The following SLC37A1 variants were observed in gnomAD, a reference collection of about 807,000 sequenced individuals.
SLC37A1 encodes solute carrier family 37 member 1.
Under a neutral mutation model 75.3 loss-of-function variants are expected in SLC37A1, and 49 were observed. The ratio of observed to expected loss-of-function variants is 0.65; its 90% CI spans 0.52 to 0.83. SLC37A1 has a LOEUF of 0.83. Among genes scored for constraint, SLC37A1 ranks in the 40% least tolerant of loss-of-function variants. The pLI is 0.00. For missense variants in SLC37A1, 566 were observed against 695.0 expected, an observed-to-expected ratio of 0.81 and a Z score of 2.09; for synonymous variants, 268 against 292.1, an observed-to-expected ratio of 0.92 and a Z score of 0.84.
chr21:42,554,698 C>T (rs1317808460), intron 10 of SLC37A1, among the ~76,000 whole-genome samples: 2 of 152,192 alleles, frequency 1.3e-5, no homozygotes, highest in Admixed American at 6.5e-5. Flanking sequence ...TCTCCACCTC[C>T]CCTATGTCAC....
chr21:42,508,185 A>C (rs1280409214), intron 2 of SLC37A1, among the ~76,000 whole-genome samples: 1 of 138,762 alleles, frequency 7.2e-6, no homozygotes, highest in Admixed American at 8.3e-5. Context: ...CTGGAGTGCA[A>C]TGGCGCAATC....
At chr21:42,539,428 G>A in intron 5 of SLC37A1, 84 bp from the exon 6 acceptor site, 1 of 1,463,224 alleles carries the variant, frequency 6.8e-7, no homozygotes, top group Non-Finnish European at 9.2e-7. Context: ...CAGCATGAAA[G>A]CATCCGGCAA....
At chr21:42,530,635 CACACACACACACA>C (rs1568996967) in intron 3 of SLC37A1, among the ~76,000 whole-genome samples, 1 of 39,820 alleles carries the variant, frequency 2.5e-5, no homozygotes, top group Non-Finnish European at 5.8e-5. Flanking sequence ...CACACACACA[CACACACACACACA>C]CACACACCCC....
In SLC37A1 at chr21:42,534,775, C is replaced by T. The variant is rs149659288; in HGVS notation, c.216C>T (p.Ser72=). 11 of 1,614,024 alleles carry T rather than the reference C, an allele frequency of 6.8e-6. No homozygotes were observed. The highest frequency in any genetic ancestry group is 2.2e-5 in the South Asian group (2 of 91,044). ...RFSSQNRKSG[S]AAPHQLPDNE... is the part of the protein sequence containing the mutation. ...GCAGCCAGAACAGGAAGTCTGGGTCCGCTGCCCCCCACCAGCTCCCTGACA... is the reference window on the plus strand; with the variant it reads ...GCAGCCAGAACAGGAAGTCTGGGTCTGCTGCCCCCCACCAGCTCCCTGACA... The change falls in exon 4 of 20, where the codon TCC becomes TCT. Residue 72 remains serine, a synonymous_variant. Coordinates refer to ENST00000352133, the MANE Select transcript of SLC37A1 (RefSeq NM_001320537.2).
chr21:42,560,073 T>C (rs2146970545), intron 11 of SLC37A1, among the ~76,000 whole-genome samples: 1 of 151,864 alleles, frequency 6.6e-6, no homozygotes, highest in Non-Finnish European at 1.5e-5. Flanking sequence ...GCCTCCAGAC[T>C]AGAAGGGCGT....
intron 11 of SLC37A1, chr21:42,561,440 C>T (rs781159942): frequency 1.2e-4 from 18 of 154,918 alleles, no homozygotes; most frequent in Non-Finnish European, 2.0e-4. Flanking sequence ...ACTCACAAGG[C>T]GGGATGCGGT....
At chr21:42,521,767 CATTT>C (rs200847719) in intron 2 of SLC37A1, among the ~76,000 whole-genome samples, 2 of 146,896 alleles carry the variant, frequency 1.4e-5, no homozygotes, top group African/African-American at 5.4e-5. Flanking sequence ...TAGATTAGAT[CATTT>C]ATTTTTTTAT....
chr21:42,565,342 G>A (rs884979), intron 14 of SLC37A1, among the ~76,000 whole-genome samples: 12,492 of 152,332 alleles, frequency 0.082, 1,502 homozygotes, highest in African/African-American at 0.27. Context: ...AGCTCTGCGC[G>A]TCTGCCCCTC....
intron 17 of SLC37A1, among the ~76,000 whole-genome samples, chr21:42,570,594 A>AG (rs2147038824): frequency 6.6e-6 from 1 of 152,324 alleles, no homozygotes; most frequent in East Asian, 1.9e-4. Context: ...AGTGGACTGC[A>AG]GTCTGCAATT....
intron 3 of SLC37A1, among the ~76,000 whole-genome samples, chr21:42,530,838 G>T (rs1351817930): frequency 1.3e-5 from 2 of 152,182 alleles, no homozygotes; most frequent in East Asian, 3.8e-4. Context: ...CTGCTGCAGA[G>T]AATGTGTCGC....
At chr21:42,535,192 G>A (rs76990677) in intron 4 of SLC37A1, among the ~76,000 whole-genome samples, 4,979 of 152,348 alleles carry the variant, frequency 0.033, 131 homozygotes, top group South Asian at 0.08. Context: ...AAAAGAAAAG[G>A]CATCAATCAA....
Position 42,554,250 on chromosome 21 carries a change from A to G in SLC37A1, c.849+108A>G, listed in dbSNP as rs762444868. ...TGCCTATGTGACATGTGTCACAAAC[A>G]TCCAGGTCTTAAAAAAATTCTGTCT... is the stretch of plus-strand genomic sequence containing the variant. On this transcript the variant is annotated intron_variant, in intron 10 of 19. Transcript: ENST00000352133. The G allele has an allele frequency of 1.0e-4, 97 of 928,598 alleles. 1 individual carries two copies. The highest frequency in any genetic ancestry group is 1.5e-4 in the Non-Finnish European group (92 of 621,434). 57.5% of individuals were successfully genotyped at this position (928,598 alleles called of 1,614,324 possible). A position where few individuals can be genotyped will look rare whatever the true frequency, so the allele number is the denominator to read the frequency against.
chr21:42,536,455 A>G (rs543711467), intron 5 of SLC37A1, among the ~76,000 whole-genome samples: 1 of 152,144 alleles, frequency 6.6e-6, no homozygotes, highest in Admixed American at 6.5e-5. Context: ...AAAAACTGCT[A>G]TTGTGTCAGT....
intron 3 of SLC37A1, among the ~76,000 whole-genome samples, chr21:42,530,230 T>C (rs1413286596): frequency 1.3e-5 from 2 of 152,178 alleles, no homozygotes; most frequent in Non-Finnish European, 2.9e-5. Context: ...TAAGGATGTA[T>C]AGAATGATTC....
rs559532166 is a variant in SLC37A1, at chr21:42,521,793, T to C, written c.56+3283T>C. Among the ~76,000 whole-genome samples the C allele has an allele frequency of 9.2e-5, 14 of 152,390 alleles. No homozygotes were observed. The South Asian group carries it at 2.7e-3, about 29-fold the overall frequency. ...ATTTATTTTTTTATTGTATTTGTTTTATATTCATAAGTCTAAACATAACAC... is the reference window on the plus strand; with the variant it reads ...ATTTATTTTTTTATTGTATTTGTTTCATATTCATAAGTCTAAACATAACAC... On this transcript the variant is annotated intron_variant, in intron 2 of 19. Coordinates refer to ENST00000352133, the MANE Select transcript of SLC37A1 (RefSeq NM_001320537.2).
Position 42,539,756 on chromosome 21 carries a change from C to T in SLC37A1, c.486+109C>T, listed in dbSNP as rs2055228400. ...AAGGTGTTGGGAAGGGGCAGAAGTG[C>T]GTCCTGTCGGAAGTCAGGGTCAGCT... is the stretch of plus-strand genomic sequence containing the variant. On this transcript the variant is annotated intron_variant, in intron 6 of 19. Coordinates refer to ENST00000352133, the MANE Select transcript of SLC37A1 (RefSeq NM_001320537.2). 34 of 1,126,306 alleles carry T rather than the reference C, an allele frequency of 3.0e-5. 1 individual carries two copies. The highest frequency in any genetic ancestry group is 8.8e-5 in the Admixed American group (3 of 33,902). The allele number at this position is 1,126,306 out of a possible 1,614,324, so 69.8% of individuals were successfully genotyped here. A position where few individuals can be genotyped will look rare whatever the true frequency, so the allele number is the denominator to read the frequency against.
intron 2 of SLC37A1, among the ~76,000 whole-genome samples, chr21:42,524,918 A>G (rs2054742287): frequency 6.6e-6 from 1 of 152,130 alleles, no homozygotes; most frequent in Non-Finnish European, 1.5e-5. Context: ...AGGGCAACCG[A>G]CCACGTGATT....
chr21:42,574,776 T>G (rs547063974), intron 17 of SLC37A1, 42 bp from the exon 18 acceptor site: 13 of 1,602,976 alleles, frequency 8.1e-6, no homozygotes, highest in African/African-American at 4.0e-5. Context: ...TGCTGGGATT[T>G]TCTCTAAACA....
intron 15 of SLC37A1, 30 bp downstream of exon 15, chr21:42,565,905 CCA>C: frequency 1.9e-6 from 3 of 1,605,004 alleles, no homozygotes; most frequent in African/African-American, 1.3e-5. Context: ...TGCTTTTCTT[CCA>C]CACACGTTTT....
Sources: allele counts gnomAD v4.1 joint callset (sites outside exome capture counted in the v4.1 genomes callset), GRCh38; gene constraint gnomAD v4.1.1; transcripts MANE v1.5; gene names NCBI Gene and HGNC (gene_info 2026-07-23, HGNC 2026-07-21).